Variants in SPMIP2 observed in about 807,000 individuals in gnomAD.
SPMIP2 encodes protein SPMIP2.
the SPMIP2 span, among the ~76,000 whole-genome samples, chr4:159,062,199 T>TAA: frequency 6.6e-6 from 1 of 152,206 alleles, no homozygotes; most frequent in Non-Finnish European, 1.5e-5. Flanking sequence ...AAGCAGAGAC[T>TAA]ATTTTCATTA....
chr4:158,933,985 G>A, the SPMIP2 span, among the ~76,000 whole-genome samples: 1 of 152,156 alleles, frequency 6.6e-6, no homozygotes, highest in Non-Finnish European at 1.5e-5. Context: ...TGAGACATAT[G>A]AGGTTACAGA....
chr4:159,075,287 T>C, the SPMIP2 span, among the ~76,000 whole-genome samples: 3 of 152,166 alleles, frequency 2.0e-5, no homozygotes, highest in African/African-American at 4.8e-5. Flanking sequence ...GAAACAACCA[T>C]GTAACCGAAT....
chr4:158,917,154 G>A, the SPMIP2 span, among the ~76,000 whole-genome samples: 1 of 152,220 alleles, frequency 6.6e-6, no homozygotes, highest in Non-Finnish European at 1.5e-5. Context: ...GGAGGCCGAG[G>A]CAGGAGAATC....
chr4:159,081,354 AAGC>A, the SPMIP2 span, among the ~76,000 whole-genome samples: 1 of 151,980 alleles, frequency 6.6e-6, no homozygotes, highest in Non-Finnish European at 1.5e-5. Context: ...TTTTCTTACT[AAGC>A]ATATTGTGAG....
At chr4:158,932,909 T>C in the SPMIP2 span, among the ~76,000 whole-genome samples, 1 of 152,224 alleles carries the variant, frequency 6.6e-6, no homozygotes, top group South Asian at 2.1e-4. Context: ...ACAAAAATCA[T>C]TGTTATTACA....
chr4:158,912,066 T>C, the SPMIP2 span, among the ~76,000 whole-genome samples: 88 of 152,018 alleles, frequency 5.8e-4, no homozygotes, highest in African/African-American at 2.1e-3. Flanking sequence ...TGTATTATTG[T>C]ATGAAGGAAA....
the SPMIP2 span, among the ~76,000 whole-genome samples, chr4:159,057,663 A>T: frequency 6.6e-6 from 1 of 152,218 alleles, no homozygotes; most frequent in Non-Finnish European, 1.5e-5. Context: ...TTATATAATA[A>T]TAGAAAATAA....
At chr4:158,982,813 A>G in the SPMIP2 span, among the ~76,000 whole-genome samples, 1 of 152,160 alleles carries the variant, frequency 6.6e-6, no homozygotes, top group Non-Finnish European at 1.5e-5. Context: ...TGGACGGAGA[A>G]TGACTTTGAC....
chr4:158,969,763 A>G, the SPMIP2 span, among the ~76,000 whole-genome samples: 6 of 152,210 alleles, frequency 3.9e-5, no homozygotes, highest in East Asian at 1.9e-4. Flanking sequence ...CCAGTCTTAT[A>G]TAAACCTGGA....
At chr4:158,960,170 C>A in the SPMIP2 span, 1 of 640,780 alleles carries the variant, frequency 1.6e-6, no homozygotes, top group South Asian at 2.0e-5. Flanking sequence ...TTATCAAAAA[C>A]CTACATGAAA....
chr4:158,972,354 C>A, the SPMIP2 span, among the ~76,000 whole-genome samples: 2 of 152,192 alleles, frequency 1.3e-5, no homozygotes, highest in African/African-American at 4.8e-5. Flanking sequence ...AGAGTGAGAC[C>A]CTGTCTCTAA....
At chr4:158,994,702 T>C in the SPMIP2 span, among the ~76,000 whole-genome samples, 1 of 152,148 alleles carries the variant, frequency 6.6e-6, no homozygotes, top group South Asian at 2.1e-4. Flanking sequence ...CAGCTGGGCT[T>C]GTCAGGGGAA....
At chr4:158,987,525 C>T in the SPMIP2 span, among the ~76,000 whole-genome samples, 1 of 151,966 alleles carries the variant, frequency 6.6e-6, no homozygotes, top group East Asian at 1.9e-4. Flanking sequence ...AGTCAACTAT[C>T]GCAAGGACAA....
chr4:158,977,600 C>CTTTTTTTTTTT, the SPMIP2 span, among the ~76,000 whole-genome samples: 432 of 72,394 alleles, frequency 6.0e-3, 55 homozygotes, highest in South Asian at 9.4e-3. Context: ...TCCTTCAGTT[C>CTTTTTTTTTTT]TTTTTTTTTT....
the SPMIP2 span, among the ~76,000 whole-genome samples, chr4:158,968,921 A>T: frequency 1.3e-5 from 2 of 152,250 alleles, no homozygotes. Context: ...TGACAGTTAA[A>T]AATGAGGCAG....
At chr4:159,074,760 T>C in the SPMIP2 span, among the ~76,000 whole-genome samples, 1 of 152,138 alleles carries the variant, frequency 6.6e-6, no homozygotes, top group Admixed American at 6.6e-5. Context: ...GATGAAAATA[T>C]TAACTATACA....
the SPMIP2 span, among the ~76,000 whole-genome samples, chr4:158,970,198 T>C: frequency 6.6e-6 from 1 of 152,152 alleles, no homozygotes; most frequent in African/African-American, 2.4e-5. Flanking sequence ...AGTAGCTGCC[T>C]GAAGCACAGG....
At chr4:158,963,302 T>C in the SPMIP2 span, among the ~76,000 whole-genome samples, 1 of 151,960 alleles carries the variant, frequency 6.6e-6, no homozygotes, top group East Asian at 1.9e-4. Context: ...TTTTTGTTTG[T>C]TTGTTTTGTT....
chr4:158,932,670 C>A, the SPMIP2 span, among the ~76,000 whole-genome samples: 19 of 152,032 alleles, frequency 1.2e-4, no homozygotes, highest in African/African-American at 3.9e-4. Flanking sequence ...AGAGTCAGGT[C>A]AAACAAAAAC....
Sources: gnomAD v4.1 joint callset for allele counts (sites outside exome capture counted in the v4.1 genomes callset) on GRCh38, gnomAD v4.1.1 for gene constraint, MANE v1.5 for transcripts, NCBI Gene and HGNC (gene_info 2026-07-23, HGNC 2026-07-21) for gene names.